The following NKAIN2 variants were observed in gnomAD, a reference collection of about 807,000 sequenced individuals.
The protein encoded by NKAIN2 is sodium/potassium-transporting ATPase subunit beta-1-interacting protein 2.
A neutral mutation model predicts 32.6 loss-of-function variants in NKAIN2; 14 were observed. The observed-to-expected ratio is 0.43, with a 90% CI of 0.28 to 0.67. The LOEUF is 0.67. Ranked by LOEUF, NKAIN2 falls within the 30% of genes least tolerant of loss-of-function variation. The pLI, the probability that NKAIN2 is intolerant of heterozygous loss-of-function variation, is 0.17. For synonymous variants in NKAIN2, 80 were observed against 87.2 expected (o/e 0.92, Z 0.46); for missense variants, 198 against 258.3 (o/e 0.77, Z 1.60).
intron 3 of NKAIN2, among the ~76,000 whole-genome samples, chr6:124,426,876 G>C (rs1405195989): frequency 6.6e-6 from 1 of 152,082 alleles, no homozygotes. Context: ...CCCTGAACTA[G>C]CTCTCTTCTC....
At chr6:123,883,658 T>TTAA (rs577012613) in intron 1 of NKAIN2, among the ~76,000 whole-genome samples, 4,041 of 145,316 alleles carry the variant, frequency 0.028, 76 homozygotes, top group African/African-American at 0.05. Context: ...AAATTTTTTT[T>TTAA]AAAATTTTAA....
Position 124,412,787 on chromosome 6 carries a change from G to A in NKAIN2, c.273+57440G>A, listed in dbSNP as rs183528449. 2.0e-3 allele frequency among the ~76,000 whole-genome samples: 302 copies of A among 152,324 alleles called. 2 individuals carry two copies. Among genetic ancestry groups the A allele is most frequent in the African/African-American group, 7.1e-3 (296 of 41,590 alleles). On this transcript the variant is annotated intron_variant, in intron 3 of 6. Transcript: ENST00000368417. ...GCCCCCAGAGGTGGAGCCTACCTAG[G>A]CAGGCAGGCCTCCTTGATCTGTGGT...
chr6:124,125,079 G>C (rs568758983), intron 1 of NKAIN2, among the ~76,000 whole-genome samples: 2 of 152,312 alleles, frequency 1.3e-5, no homozygotes, highest in African/African-American at 4.8e-5. Flanking sequence ...TGTTCTACCT[G>C]CTGGGTTGCC....
chr6:124,672,190 A>G (rs574414325), intron 4 of NKAIN2, among the ~76,000 whole-genome samples: 39 of 152,192 alleles, frequency 2.6e-4, no homozygotes, highest in East Asian at 1.4e-3. Flanking sequence ...TAAGTCTGCA[A>G]TGATGCCTCC....
At chr6:123,927,125 A>C (rs1333476190) in intron 1 of NKAIN2, among the ~76,000 whole-genome samples, 1 of 152,098 alleles carries the variant, frequency 6.6e-6, no homozygotes, top group African/African-American at 2.4e-5. Flanking sequence ...AATCCAAGGC[A>C]ACCATGTGGC....
intron 3 of NKAIN2, among the ~76,000 whole-genome samples, chr6:124,619,033 A>T (rs1173796561): frequency 6.7e-6 from 1 of 150,256 alleles, no homozygotes; most frequent in Non-Finnish European, 1.5e-5. Flanking sequence ...CACAAAATTG[A>T]AAAAAAAAAT....
intron 3 of NKAIN2, among the ~76,000 whole-genome samples, chr6:124,511,455 G>A (rs552796282): frequency 1.4e-4 from 21 of 152,182 alleles, no homozygotes; most frequent in African/African-American, 4.8e-4. Flanking sequence ...GAGAGCACAA[G>A]GCAATTAAAA....
At chr6:124,482,365 A>T (rs1420202058) in intron 3 of NKAIN2, among the ~76,000 whole-genome samples, 1 of 151,716 alleles carries the variant, frequency 6.6e-6, no homozygotes, top group Non-Finnish European at 1.5e-5. Flanking sequence ...TTCCTTTATA[A>T]TTCAATAAAG....
At chr6:123,991,714 T>G (rs1718785571) in intron 1 of NKAIN2, among the ~76,000 whole-genome samples, 1 of 151,878 alleles carries the variant, frequency 6.6e-6, no homozygotes, top group South Asian at 2.1e-4. Context: ...TACAAAAAAT[T>G]AGCCAGGCAT....
chr6:123,847,166 A>G (rs1012096943), intron 1 of NKAIN2, among the ~76,000 whole-genome samples: 6 of 152,254 alleles, frequency 3.9e-5, no homozygotes, highest in Admixed American at 6.5e-5. Context: ...TTTAATGAAC[A>G]TGTACCAAAG....
chr6:124,602,514 C>T (rs1246056741), intron 3 of NKAIN2, among the ~76,000 whole-genome samples: 1 of 151,536 alleles, frequency 6.6e-6, no homozygotes, highest in Admixed American at 6.6e-5. Flanking sequence ...AAATGAGTGT[C>T]GTGCATCAGA....
At chr6:123,971,606 A>G (rs1485200066) in intron 1 of NKAIN2, among the ~76,000 whole-genome samples, 1 of 152,112 alleles carries the variant, frequency 6.6e-6, no homozygotes, top group Non-Finnish European at 1.5e-5. Context: ...ATAATGGTAA[A>G]GTTATCTCCC....
At chr6:124,155,979 G>A (rs1051840685) in intron 1 of NKAIN2, among the ~76,000 whole-genome samples, 2 of 149,712 alleles carry the variant, frequency 1.3e-5, no homozygotes, top group Admixed American at 6.7e-5. Flanking sequence ...AAAAAAAAAA[G>A]GGATACTAGG....
At chr6:123,995,256 G>T (rs1012148412) in intron 1 of NKAIN2, among the ~76,000 whole-genome samples, 1 of 152,178 alleles carries the variant, frequency 6.6e-6, no homozygotes, top group Non-Finnish European at 1.5e-5. Flanking sequence ...GACGAGCCTT[G>T]TTGGTGACAA....
intron 3 of NKAIN2, among the ~76,000 whole-genome samples, chr6:124,429,369 T>C (rs1200494744): frequency 6.6e-6 from 1 of 152,158 alleles, no homozygotes; most frequent in Non-Finnish European, 1.5e-5. Context: ...TTTTTGAATT[T>C]CCATTATTTA....
chr6:124,644,168 T>C (rs1468867098), intron 3 of NKAIN2, among the ~76,000 whole-genome samples: 2 of 152,130 alleles, frequency 1.3e-5, no homozygotes, highest in Non-Finnish European at 2.9e-5. Context: ...AGAAATGACA[T>C]GACTAAAAAT....
intron 3 of NKAIN2, among the ~76,000 whole-genome samples, chr6:124,449,737 G>C (rs1435274921): frequency 6.6e-6 from 1 of 151,946 alleles, no homozygotes; most frequent in East Asian, 1.9e-4. Flanking sequence ...TCATTATAAA[G>C]TTTTGTTGAA....
chr6:124,237,568 A>C (rs1255544971), intron 1 of NKAIN2, among the ~76,000 whole-genome samples: 1 of 152,154 alleles, frequency 6.6e-6, no homozygotes, highest in Admixed American at 6.6e-5. Context: ...CAAGAAGATT[A>C]GTGTGAATGA....
chr6:124,658,826 T>G, intron 4 of NKAIN2: 1 of 203,840 alleles, frequency 4.9e-6, no homozygotes, highest in Non-Finnish European at 9.8e-6. Flanking sequence ...TATCTCCTTC[T>G]TCCTTCCTAG....
Sources: gnomAD v4.1 joint callset for allele counts (sites outside exome capture counted in the v4.1 genomes callset) on GRCh38, gnomAD v4.1.1 for gene constraint, MANE v1.5 for transcripts, NCBI Gene and HGNC (gene_info 2026-07-23, HGNC 2026-07-21) for gene names.